The following EBF1 variants were observed in gnomAD, a reference collection of about 807,000 sequenced individuals.
The protein encoded by EBF1 is EBF transcription factor 1.
A neutral mutation model predicts 68.4 loss-of-function variants in EBF1; 10 were observed. The ratio of observed to expected loss-of-function variants is 0.15; its 90% CI spans 0.09 to 0.25. EBF1 has a LOEUF of 0.25. EBF1 is among the 10% of genes least tolerant of loss of function. The pLI is 1.00. For synonymous variants in EBF1, 298 were observed against 299.8 expected, an observed-to-expected ratio of 0.99 and a Z score of 0.06; for missense variants, 509 against 794.4, an observed-to-expected ratio of 0.64 and a Z score of 4.32.
intron 10 of EBF1, among the ~76,000 whole-genome samples, chr5:158,757,484 C>T (rs770568530): frequency 7.2e-5 from 11 of 152,102 alleles, no homozygotes; most frequent in Admixed American, 3.9e-4. Flanking sequence ...ACATTATGTA[C>T]GTGGTATCTC....
At chr5:158,885,662 A>G (rs1165752068) in intron 6 of EBF1, among the ~76,000 whole-genome samples, 1 of 152,134 alleles carries the variant, frequency 6.6e-6, no homozygotes, top group Non-Finnish European at 1.5e-5. Context: ...ATCCTCAACA[A>G]TGACTCTGCA....
chr5:159,007,665 C>T (rs752995124), intron 6 of EBF1, among the ~76,000 whole-genome samples: 1 of 152,168 alleles, frequency 6.6e-6, no homozygotes, highest in African/African-American at 2.4e-5. Context: ...AGGGCCCCTT[C>T]GTGCACCTGA....
chr5:158,959,494 G>A (rs1163923906), intron 6 of EBF1, among the ~76,000 whole-genome samples: 1 of 152,118 alleles, frequency 6.6e-6, no homozygotes, highest in African/African-American at 2.4e-5. Flanking sequence ...GTTTCACCAT[G>A]TTGACCAAGC....
intron 6 of EBF1, among the ~76,000 whole-genome samples, chr5:158,958,379 G>T (rs1285167948): frequency 6.6e-6 from 1 of 152,152 alleles, no homozygotes; most frequent in African/African-American, 2.4e-5. Context: ...CCAATTTGCG[G>T]TGCTGATTGG....
chr5:158,808,116 G>A (rs546744604), intron 8 of EBF1, among the ~76,000 whole-genome samples: 30 of 152,186 alleles, frequency 2.0e-4, no homozygotes, highest in Middle Eastern at 3.4e-3. Context: ...AGATGTTTCC[G>A]TGGTGATGAT....
At chr5:158,842,712 G>A (rs1329339768) in intron 6 of EBF1, among the ~76,000 whole-genome samples, 1 of 152,216 alleles carries the variant, frequency 6.6e-6, no homozygotes, top group Non-Finnish European at 1.5e-5. Flanking sequence ...TCATAAGAAT[G>A]GCTTCCGTGT....
chr5:158,724,246 C>T (rs904551301), intron 11 of EBF1, among the ~76,000 whole-genome samples: 5 of 152,060 alleles, frequency 3.3e-5, no homozygotes, highest in African/African-American at 1.2e-4. Flanking sequence ...TCTGTGTTTT[C>T]GTCTGAGGAG....
intron 10 of EBF1, among the ~76,000 whole-genome samples, chr5:158,733,426 C>T (rs1764519693): frequency 6.6e-6 from 1 of 152,130 alleles, no homozygotes; most frequent in South Asian, 2.1e-4. Flanking sequence ...AATTGAATGA[C>T]TGTCTGATGT....
At chr5:158,866,833 G>GTATA (rs70987938) in intron 6 of EBF1, among the ~76,000 whole-genome samples, 7 of 92,830 alleles carry the variant, frequency 7.5e-5, no homozygotes, top group African/African-American at 1.8e-4. Context: ...ATATGTATAT[G>GTATA]TATATATATA....
intron 11 of EBF1, among the ~76,000 whole-genome samples, chr5:158,730,559 CTT>C (rs1162853257): frequency 1.3e-5 from 2 of 152,170 alleles, no homozygotes; most frequent in African/African-American, 4.8e-5. Flanking sequence ...GAGAGGTTGT[CTT>C]TGCCCAATCT....
chr5:158,712,917 G>T (rs1410364966), intron 13 of EBF1, 53 bp downstream of exon 13: 2 of 1,383,996 alleles, frequency 1.4e-6, no homozygotes, highest in Non-Finnish European at 1.9e-6. Flanking sequence ...ACCAATAAAT[G>T]AGGAGATGGG....
At chr5:158,750,228 A>G (rs1378321660) in intron 10 of EBF1, among the ~76,000 whole-genome samples, 6 of 152,174 alleles carry the variant, frequency 3.9e-5, no homozygotes. Flanking sequence ...TTCAAACAAT[A>G]AGATATTTCC....
chr5:159,011,966 C>G (rs1764753802), intron 6 of EBF1, among the ~76,000 whole-genome samples: 1 of 152,222 alleles, frequency 6.6e-6, no homozygotes, highest in Non-Finnish European at 1.5e-5. Flanking sequence ...AGAGACCTTA[C>G]TGCAATGACC....
intron 9 of EBF1, among the ~76,000 whole-genome samples, chr5:158,793,934 A>T (rs1268548668): frequency 1.3e-5 from 2 of 152,224 alleles, no homozygotes; most frequent in East Asian, 3.8e-4. Flanking sequence ...AAAAGGGTTC[A>T]CTTCTACAAG....
At chr5:158,854,323 T>C (rs1793552809) in intron 6 of EBF1, among the ~76,000 whole-genome samples, 1 of 152,254 alleles carries the variant, frequency 6.6e-6, no homozygotes, top group African/African-American at 2.4e-5. Flanking sequence ...AACATAGTTC[T>C]TGCTTTTGAA....
At chr5:159,099,273 CCG>C in intron 1 of EBF1, 70 bp downstream of exon 1, 1 of 1,258,028 alleles carries the variant, frequency 7.9e-7, no homozygotes, top group Admixed American at 3.5e-5. Flanking sequence ...GCTGCCGCTG[CCG>C]CTGCCGCCTC....
rs529351003 is a variant in EBF1, at chr5:158,826,190, C to T, written c.637-2873G>A. Reference sequence around the variant, plus strand: ...CAACAACACTTTCCTTCTTTCTCCCCTTTTCCACTCCCCTGCCCAGAGAAA... The same window carrying T: ...CAACAACACTTTCCTTCTTTCTCCCTTTTTCCACTCCCCTGCCCAGAGAAA... On this transcript the variant is annotated intron_variant, in intron 7 of 15. Coordinates refer to ENST00000313708, the MANE Select transcript of EBF1 (RefSeq NM_024007.5). Among the ~76,000 whole-genome samples the T allele has an allele frequency of 9.8e-5, 15 of 152,292 alleles. No individual in the cohort carries two copies. In the South Asian group the frequency reaches 3.1e-3, roughly 32 times the overall value.
intron 6 of EBF1, among the ~76,000 whole-genome samples, chr5:159,060,267 G>A (rs745587250): frequency 1.2e-4 from 18 of 152,142 alleles, no homozygotes; most frequent in East Asian, 3.9e-4. Context: ...TTTTTAAATC[G>A]TTATCCTTTC....
intron 6 of EBF1, among the ~76,000 whole-genome samples, chr5:158,913,058 C>T (rs999739458): frequency 6.6e-6 from 1 of 152,200 alleles, no homozygotes; most frequent in African/African-American, 2.4e-5. Flanking sequence ...ACCAGAAATA[C>T]TGCACATGAG....
Sources: gnomAD v4.1 joint callset for allele counts (sites outside exome capture counted in the v4.1 genomes callset) on GRCh38, gnomAD v4.1.1 for gene constraint, MANE v1.5 for transcripts, NCBI Gene and HGNC (gene_info 2026-07-23, HGNC 2026-07-21) for gene names.